Variants in TENM3 observed in about 807,000 individuals in gnomAD.
The protein encoded by TENM3 is teneurin transmembrane protein 3.
A neutral mutation model predicts 255.1 loss-of-function variants in TENM3; 63 were observed. The ratio of observed to expected loss-of-function variants is 0.25; its 90% CI spans 0.20 to 0.30. The LOEUF (loss-of-function observed/expected upper bound fraction) is 0.30. TENM3 is among the 10% of genes least tolerant of loss of function. The probability of loss-of-function intolerance (pLI) is 1.00; values close to 1 mark genes in which losing one functional copy is unlikely to be tolerated. For missense variants in TENM3, 2,929 were observed against 3,461.1 expected (o/e 0.85, Z 3.86); for synonymous variants, 1,306 against 1,322.3 (o/e 0.99, Z 0.27).
chr4:182,490,800 G>A (rs1735225554), intron 3 of TENM3, among the ~76,000 whole-genome samples: 1 of 151,908 alleles, frequency 6.6e-6, no homozygotes, highest in African/African-American at 2.4e-5. Context: ...CTTGGCCTGG[G>A]GAGCACCAGC....
At chr4:182,347,777 A>G (rs1474714023) in intron 3 of TENM3, among the ~76,000 whole-genome samples, 1 of 152,198 alleles carries the variant, frequency 6.6e-6, no homozygotes, top group Non-Finnish European at 1.5e-5. Flanking sequence ...CAAACAAAAA[A>G]TTCTCCTTCC....
intron 6 of TENM3, among the ~76,000 whole-genome samples, chr4:182,659,966 G>A (rs1228221929): frequency 6.6e-6 from 1 of 152,054 alleles, no homozygotes; most frequent in Non-Finnish European, 1.5e-5. Flanking sequence ...GTGCTACTTG[G>A]GACAGGTTAT....
At chr4:181,619,803 A>T in the TENM3 span, among the ~76,000 whole-genome samples, 1 of 152,156 alleles carries the variant, frequency 6.6e-6, no homozygotes, top group South Asian at 2.1e-4. Context: ...ATGGGCCATC[A>T]GAGTCATTTG....
At chr4:181,943,044 A>G in the TENM3 span, among the ~76,000 whole-genome samples, 31 of 152,298 alleles carry the variant, frequency 2.0e-4, 1 homozygote, top group African/African-American at 7.5e-4. Context: ...ATTGCCATTC[A>G]AATATTTTGG....
intron 3 of TENM3, among the ~76,000 whole-genome samples, chr4:182,561,708 A>G (rs1230178940): frequency 6.6e-6 from 1 of 152,120 alleles, no homozygotes; most frequent in East Asian, 1.9e-4. Context: ...AGAATTCTAT[A>G]GAATAGTTAT....
chr4:182,531,786 G>A (rs1210361269), intron 3 of TENM3, among the ~76,000 whole-genome samples: 2 of 152,162 alleles, frequency 1.3e-5, no homozygotes, highest in Non-Finnish European at 1.5e-5. Flanking sequence ...GGTCATGGAG[G>A]CACCCTCTGC....
At chr4:182,640,190 A>G (rs1346799313) in intron 5 of TENM3, among the ~76,000 whole-genome samples, 1 of 152,250 alleles carries the variant, frequency 6.6e-6, no homozygotes, top group Non-Finnish European at 1.5e-5. Context: ...AAATAAATGT[A>G]TTAAAATTTT....
the TENM3 span, among the ~76,000 whole-genome samples, chr4:181,553,912 C>T: frequency 1.3e-5 from 2 of 152,102 alleles, no homozygotes; most frequent in East Asian, 3.9e-4. Context: ...TGCTCCATCC[C>T]CCCGCTCTCT....
At chr4:181,554,163 T>G in the TENM3 span, among the ~76,000 whole-genome samples, 1 of 152,216 alleles carries the variant, frequency 6.6e-6, no homozygotes, top group Non-Finnish European at 1.5e-5. Flanking sequence ...GAAAGGTAGA[T>G]GCTTTCCATT....
At chr4:181,664,476 T>TAAAAAAAA in the TENM3 span, among the ~76,000 whole-genome samples, 1 of 140,664 alleles carries the variant, frequency 7.1e-6, no homozygotes. Flanking sequence ...GTCTAAAAAA[T>TAAAAAAAA]AAAAAAAAAC....
chr4:182,186,577 T>C (rs1052512926), intron 1 of TENM3, among the ~76,000 whole-genome samples: 4 of 151,054 alleles, frequency 2.6e-5, no homozygotes, highest in Admixed American at 6.6e-5. Context: ...AAAGTAATGT[T>C]AAACCATGTC....
chr4:182,049,115 G>A, the TENM3 span, among the ~76,000 whole-genome samples: 2 of 152,038 alleles, frequency 1.3e-5, no homozygotes, highest in African/African-American at 2.4e-5. Flanking sequence ...GGCAATTTGT[G>A]TGCTGGCTTC....
At chr4:181,829,025 C>A in the TENM3 span, among the ~76,000 whole-genome samples, 2 of 152,184 alleles carry the variant, frequency 1.3e-5, no homozygotes, top group Admixed American at 1.3e-4. Flanking sequence ...GACATGGACC[C>A]GTTGCACTGC....
At chr4:182,543,910 T>A (rs1049806498) in intron 3 of TENM3, among the ~76,000 whole-genome samples, 70 of 152,306 alleles carry the variant, frequency 4.6e-4, no homozygotes, top group African/African-American at 1.6e-3. Flanking sequence ...ATCATCAATA[T>A]AATCCTTTTG....
At chr4:181,780,310 C>G in the TENM3 span, among the ~76,000 whole-genome samples, 23 of 152,078 alleles carry the variant, frequency 1.5e-4, no homozygotes, top group South Asian at 2.7e-3. Flanking sequence ...TGTTTCCTGA[C>G]TTTTTAATGA....
chr4:182,582,925 C>T (rs1268672525), intron 3 of TENM3, among the ~76,000 whole-genome samples: 2 of 152,198 alleles, frequency 1.3e-5, no homozygotes, highest in Admixed American at 6.5e-5. Context: ...ACTCTTTTCC[C>T]TGTGCAGTAT....
chr4:181,532,535 G>A, the TENM3 span, among the ~76,000 whole-genome samples: 4 of 152,126 alleles, frequency 2.6e-5, no homozygotes, highest in Non-Finnish European at 4.4e-5. Context: ...AGCAAATGGC[G>A]TTTCGTTCTG....
the TENM3 span, among the ~76,000 whole-genome samples, chr4:181,567,181 AC>A: frequency 6.6e-6 from 1 of 152,198 alleles, no homozygotes; most frequent in East Asian, 1.9e-4. Flanking sequence ...AGTGGAGCAT[AC>A]CTAAAAGCCT....
chr4:182,180,231 T>C (rs1752757776), intron 1 of TENM3, among the ~76,000 whole-genome samples: 1 of 152,244 alleles, frequency 6.6e-6, no homozygotes. Flanking sequence ...ATTTTAATGC[T>C]TGTTTTTCCT....
Sources: gnomAD v4.1 joint callset for allele counts (sites outside exome capture counted in the v4.1 genomes callset) on GRCh38, gnomAD v4.1.1 for gene constraint, MANE v1.5 for transcripts, NCBI Gene and HGNC (gene_info 2026-07-23, HGNC 2026-07-21) for gene names.